Variants in CDK14 observed in about 807,000 individuals in gnomAD.
CDK14 encodes the protein cyclin-dependent kinase 14.
CDK14 carries 34 observed loss-of-function variants against 60.7 expected under a neutral mutation model. The observed-to-expected ratio is 0.56, with a 90% CI of 0.43 to 0.75. The LOEUF is 0.75. Among genes scored for constraint, CDK14 ranks in the 30% least tolerant of loss-of-function variants. The pLI is 0.00. For missense variants in CDK14, 482 were observed against 564.1 expected, an observed-to-expected ratio of 0.85 and a Z score of 1.47; for synonymous variants, 197 against 203.7, an observed-to-expected ratio of 0.97 and a Z score of 0.28.
chr7:90,986,225 C>A (rs1008465946), intron 10 of CDK14, among the ~76,000 whole-genome samples: 5 of 152,004 alleles, frequency 3.3e-5, no homozygotes. Context: ...ATTTACTTAA[C>A]CAGCCCCATA....
intron 5 of CDK14, among the ~76,000 whole-genome samples, chr7:90,809,038 C>T (rs1002198765): frequency 6.6e-6 from 1 of 152,138 alleles, no homozygotes; most frequent in Non-Finnish European, 1.5e-5. Flanking sequence ...TTTAACACCC[C>T]ACTGTCAGCA....
intron 14 of CDK14, among the ~76,000 whole-genome samples, chr7:91,190,818 A>G (rs1411879741): frequency 6.6e-6 from 1 of 152,178 alleles, no homozygotes; most frequent in African/African-American, 2.4e-5. Context: ...CAGAGAGATC[A>G]AAAGAGACTT....
intron 10 of CDK14, among the ~76,000 whole-genome samples, chr7:91,013,226 G>A (rs568234355): frequency 5.8e-4 from 89 of 152,180 alleles, no homozygotes; most frequent in African/African-American, 2.0e-3. Flanking sequence ...TCCTGCCCAC[G>A]GCCTCCCTTA....
chr7:90,993,331 C>T (rs1795589557), intron 10 of CDK14, among the ~76,000 whole-genome samples: 1 of 151,980 alleles, frequency 6.6e-6, no homozygotes, highest in Non-Finnish European at 1.5e-5. Context: ...GGATATTTTA[C>T]AATCAATATT....
At chr7:90,930,070 G>A (rs1428252445) in intron 8 of CDK14, among the ~76,000 whole-genome samples, 1 of 151,904 alleles carries the variant, frequency 6.6e-6, no homozygotes, top group East Asian at 1.9e-4. Context: ...AGAAAACAGT[G>A]TACAGACCAT....
At chr7:90,763,947 A>G (rs542242310) in intron 4 of CDK14, among the ~76,000 whole-genome samples, 69 of 152,294 alleles carry the variant, frequency 4.5e-4, no homozygotes, top group African/African-American at 1.6e-3. Context: ...TACTCTGAAT[A>G]CTGTCCCATT....
At chr7:90,808,593 C>A (rs1032040354) in intron 5 of CDK14, among the ~76,000 whole-genome samples, 3 of 152,108 alleles carry the variant, frequency 2.0e-5, no homozygotes, top group Non-Finnish European at 4.4e-5. Flanking sequence ...ATCATAATGA[C>A]AGGATCAAAT....
intron 2 of CDK14, among the ~76,000 whole-genome samples, chr7:90,718,904 C>T (rs1362485268): frequency 6.6e-6 from 1 of 152,176 alleles, no homozygotes; most frequent in African/African-American, 2.4e-5. Context: ...AAAACTCTTG[C>T]ACATCTATCC....
chr7:90,726,987 T>A (rs1398752164), intron 3 of CDK14, among the ~76,000 whole-genome samples, 175 bp downstream of exon 3: 2 of 152,176 alleles, frequency 1.3e-5, no homozygotes, highest in Non-Finnish European at 2.9e-5. Context: ...ACTCCTTATT[T>A]ATAAGCACTA....
intron 14 of CDK14, among the ~76,000 whole-genome samples, chr7:91,197,505 C>G (rs935634902): frequency 2.0e-5 from 3 of 152,000 alleles, no homozygotes; most frequent in Admixed American, 2.0e-4. Flanking sequence ...CATGACTGCT[C>G]TGGTATTTAA....
intron 4 of CDK14, among the ~76,000 whole-genome samples, chr7:90,760,558 C>T (rs957554787): frequency 6.6e-6 from 1 of 152,138 alleles, no homozygotes; most frequent in South Asian, 2.1e-4. Context: ...AGGATGCTCC[C>T]GAGGCCCATG....
At chr7:90,728,310 ATCT>A (rs1435261772) in intron 3 of CDK14, among the ~76,000 whole-genome samples, 5 of 151,720 alleles carry the variant, frequency 3.3e-5, no homozygotes, top group Admixed American at 1.3e-4. Flanking sequence ...ATTTTTTGTA[ATCT>A]TCTCTTTTAC....
chr7:90,795,653 G>C (rs1025696229), intron 5 of CDK14, among the ~76,000 whole-genome samples: 5 of 152,048 alleles, frequency 3.3e-5, no homozygotes, highest in African/African-American at 1.2e-4. Flanking sequence ...TTAAGCTGTG[G>C]AGGGAGATAA....
rs139652853 is a variant in CDK14, at chr7:91,031,101, G to A, written c.1042-14796G>A. 5.9e-3 allele frequency among the ~76,000 whole-genome samples: 893 copies of A among 152,322 alleles called. 3 individuals are homozygous for A. Among genetic ancestry groups the A allele is most frequent in the Non-Finnish European group, 0.01 (683 of 68,034 alleles). ...CATCAGCCAGTGGACTAACCACCAT[G>A]TAGAGAATTGTTTCTTCGGGGAAAT... On this transcript the variant is annotated intron_variant, in intron 10 of 14. Coordinates refer to ENST00000380050, the MANE Select transcript of CDK14 (RefSeq NM_001287135.2).
At chr7:90,808,148 C>A (rs977712064) in intron 5 of CDK14, among the ~76,000 whole-genome samples, 44 of 152,078 alleles carry the variant, frequency 2.9e-4, no homozygotes, top group African/African-American at 9.7e-4. Context: ...AGAGCAACTC[C>A]AAGACACATA....
chr7:91,204,652 A>T (rs1802829467), intron 14 of CDK14, among the ~76,000 whole-genome samples: 1 of 152,258 alleles, frequency 6.6e-6, no homozygotes, highest in East Asian at 1.9e-4. Context: ...CAGCCACATG[A>T]AAGAGTCCCC....
chr7:90,934,419 C>T (rs1793690334), intron 8 of CDK14, among the ~76,000 whole-genome samples: 1 of 152,230 alleles, frequency 6.6e-6, no homozygotes, highest in South Asian at 2.1e-4. Flanking sequence ...ATAGCCAAGG[C>T]TCACAGCAAC....
chr7:90,918,421 T>G (rs1793147977), intron 8 of CDK14, among the ~76,000 whole-genome samples: 1 of 152,228 alleles, frequency 6.6e-6, no homozygotes, highest in Non-Finnish European at 1.5e-5. Flanking sequence ...GAAGCTTTCC[T>G]CCAAACACCA....
intron 4 of CDK14, among the ~76,000 whole-genome samples, chr7:90,788,291 C>T (rs1805682721): frequency 6.6e-6 from 1 of 152,138 alleles, no homozygotes; most frequent in African/African-American, 2.4e-5. Flanking sequence ...ATGCAGTTAT[C>T]AGCACTAACT....
Sources: gnomAD v4.1 joint callset for allele counts (sites outside exome capture counted in the v4.1 genomes callset) on GRCh38, gnomAD v4.1.1 for gene constraint, MANE v1.5 for transcripts, NCBI Gene and HGNC (gene_info 2026-07-23, HGNC 2026-07-21) for gene names.